PCSK5: variants seen among roughly 807,000 people sequenced by gnomAD.
PCSK5 encodes prohormone convertase 5.
Under a neutral mutation model 233.2 loss-of-function variants are expected in PCSK5, and 129 were observed. That is an observed-to-expected ratio of 0.55 (90% CI 0.48 to 0.64). The LOEUF (loss-of-function observed/expected upper bound fraction) is 0.64. PCSK5 is among the 30% of genes least tolerant of loss of function. PCSK5 has a pLI of 0.00. For missense variants in PCSK5, 2,076 were observed against 2,430.1 expected, an observed-to-expected ratio of 0.85 and a Z score of 3.06; for synonymous variants, 825 against 879.2, an observed-to-expected ratio of 0.94 and a Z score of 1.09.
intron 9 of PCSK5, among the ~76,000 whole-genome samples, chr9:76,112,936 TA>T (rs2131695652): frequency 6.6e-6 from 1 of 152,310 alleles, no homozygotes; most frequent in East Asian, 1.9e-4. Context: ...CCACGACACC[TA>T]AGCATAATGT....
chr9:76,095,453 G>A (rs1831469946), intron 7 of PCSK5, among the ~76,000 whole-genome samples: 1 of 152,082 alleles, frequency 6.6e-6, no homozygotes, highest in Admixed American at 6.5e-5. Context: ...CACTCTCTGG[G>A]TTCAAATTTT....
intron 36 of PCSK5, among the ~76,000 whole-genome samples, chr9:76,352,475 C>A (rs1303155606): frequency 6.6e-6 from 1 of 152,096 alleles, no homozygotes; most frequent in Non-Finnish European, 1.5e-5. Flanking sequence ...TTTTACCCAG[C>A]CCCTATTCAA....
chr9:75,977,703 T>C (rs1049899057), intron 2 of PCSK5, among the ~76,000 whole-genome samples: 4 of 151,274 alleles, frequency 2.6e-5, no homozygotes, highest in African/African-American at 9.7e-5. Context: ...CTCCACCTCC[T>C]GGGTTCAAGC....
chr9:75,995,781 A>ACT (rs1554671012), intron 3 of PCSK5, among the ~76,000 whole-genome samples: 2 of 145,348 alleles, frequency 1.4e-5, no homozygotes, highest in African/African-American at 2.5e-5. Flanking sequence ...ACACACACAC[A>ACT]CTCACACCTC....
At chr9:76,295,894 A>C (rs564335260) in intron 26 of PCSK5, among the ~76,000 whole-genome samples, 1 of 152,354 alleles carries the variant, frequency 6.6e-6, no homozygotes, top group Admixed American at 6.5e-5. Flanking sequence ...TGAAGAGGAT[A>C]ATAGCCCAAT....
intron 3 of PCSK5, among the ~76,000 whole-genome samples, chr9:75,993,321 G>A (rs1402546532): frequency 6.6e-6 from 1 of 151,996 alleles, no homozygotes; most frequent in Non-Finnish European, 1.5e-5. Context: ...TTGTTGTACT[G>A]GTCCTAGCTC....
At chr9:76,025,610 C>G (rs1828389625) in intron 4 of PCSK5, among the ~76,000 whole-genome samples, 1 of 152,094 alleles carries the variant, frequency 6.6e-6, no homozygotes, top group Non-Finnish European at 1.5e-5. Context: ...ACATATGTTT[C>G]TTATAGCCAC....
intron 9 of PCSK5, among the ~76,000 whole-genome samples, chr9:76,132,381 C>T (rs1479624265): frequency 1.3e-5 from 2 of 152,058 alleles, no homozygotes; most frequent in African/African-American, 4.8e-5. Context: ...AAGAATAATT[C>T]TGTTTTCATC....
At chr9:76,351,719 G>GAGATTC in intron 36 of PCSK5, among the ~76,000 whole-genome samples, 1 of 152,026 alleles carries the variant, frequency 6.6e-6, no homozygotes, top group Admixed American at 6.6e-5. Context: ...ATTTGCCATG[G>GAGATTC]ATTTTCTGAA....
At chr9:76,260,116 C>A (rs1458182843) in intron 24 of PCSK5, among the ~76,000 whole-genome samples, 1 of 152,196 alleles carries the variant, frequency 6.6e-6, no homozygotes, top group Non-Finnish European at 1.5e-5. Context: ...AGAAATTAAT[C>A]CTGGCTCAGC....
In PCSK5 at chr9:76,193,455, C is replaced by G. The variant is rs1043317337; in HGVS notation, c.2626+3709C>G. 7.0e-6 allele frequency: 6 copies of G among 852,156 alleles called. No individual in the cohort carries two copies. The African/African-American group carries it at 8.7e-5, about 12-fold the overall frequency. The allele number at this position is 852,156 out of a possible 1,614,324, so 52.8% of individuals were successfully genotyped here. A position where few individuals can be genotyped will look rare whatever the true frequency, so the allele number is the denominator to read the frequency against. On this transcript the variant is annotated intron_variant, in intron 20 of 37. Coordinates refer to ENST00000674117, the MANE Select transcript of PCSK5 (RefSeq NM_001372043.1). The stretch of plus-strand genomic sequence containing the variant: ...AAAAAAAAAAAAGCAAGCCACCTCT[C>G]TCTTTCTTTTCTTGCTCTCTTTTTC...
Position 76,175,295 on chromosome 9 carries a change from T to TCG in PCSK5, c.1900+166_1900+167insCG, listed in dbSNP as rs761405694. 1,434 of 401,014 alleles carry TCG rather than the reference T, an allele frequency of 3.6e-3. 7 individuals are homozygous for TCG. The highest frequency in any genetic ancestry group is 5.6e-3 in the South Asian group (186 of 33,270). 24.8% of individuals were successfully genotyped at this position (401,014 alleles called of 1,614,324 possible). A position where few individuals can be genotyped will look rare whatever the true frequency, so the allele number is the denominator to read the frequency against. On this transcript the variant is annotated intron_variant, in intron 14 of 37. Coordinates refer to ENST00000674117, the MANE Select transcript of PCSK5 (RefSeq NM_001372043.1). ...TGGAATCGAATCGAATCGAATCGAA[T>TCG]AGAATAGAATAGAATAGAACAGAAC...
At chr9:75,986,821 T>C (rs1013902969) in intron 3 of PCSK5, among the ~76,000 whole-genome samples, 1 of 152,202 alleles carries the variant, frequency 6.6e-6, no homozygotes, top group African/African-American at 2.4e-5. Context: ...GGAAACCTAC[T>C]TAACATGTTG....
chr9:76,197,086 T>G (rs1165439350), intron 20 of PCSK5, among the ~76,000 whole-genome samples: 2 of 152,222 alleles, frequency 1.3e-5, no homozygotes. Flanking sequence ...ACATTACCAA[T>G]GAACTTGCTC....
chr9:75,930,624 A>G (rs1823745284), intron 1 of PCSK5, among the ~76,000 whole-genome samples: 1 of 152,172 alleles, frequency 6.6e-6, no homozygotes, highest in African/African-American at 2.4e-5. Context: ...ACACAGCCAG[A>G]TTTGTATTTT....
intron 21 of PCSK5, among the ~76,000 whole-genome samples, chr9:76,228,697 G>A (rs988200213): frequency 1.3e-5 from 2 of 152,208 alleles, no homozygotes; most frequent in South Asian, 4.1e-4. Flanking sequence ...TCAGTGAATG[G>A]CCTCATCACT....
At chr9:75,953,194 A>G (rs1361497790) in intron 2 of PCSK5, among the ~76,000 whole-genome samples, 1 of 152,024 alleles carries the variant, frequency 6.6e-6, no homozygotes, top group Admixed American at 6.6e-5. Flanking sequence ...TGGGCAGGGC[A>G]TATGTTTTAC....
chr9:75,987,366 T>G (rs1826561024), intron 3 of PCSK5, among the ~76,000 whole-genome samples: 2 of 152,168 alleles, frequency 1.3e-5, no homozygotes, highest in South Asian at 4.1e-4. Flanking sequence ...ATCATGGCAC[T>G]TTACACTGTA....
chr9:76,142,587 A>G (rs1197391519), intron 10 of PCSK5, among the ~76,000 whole-genome samples: 2 of 152,196 alleles, frequency 1.3e-5, no homozygotes, highest in African/African-American at 4.8e-5. Flanking sequence ...TATGTGCTTA[A>G]GTAAAATTAT....
Sources: allele counts gnomAD v4.1 joint callset (sites outside exome capture counted in the v4.1 genomes callset), GRCh38; gene constraint gnomAD v4.1.1; transcripts MANE v1.5; gene names NCBI Gene and HGNC (gene_info 2026-07-23, HGNC 2026-07-21).